Variants in NEGR1 observed in about 807,000 individuals in gnomAD.
NEGR1 encodes the protein IgLON family member 4.
In NEGR1, 10 loss-of-function variants were observed where a neutral mutation model predicts 40.9. The ratio of observed to expected loss-of-function variants is 0.24; its 90% CI spans 0.15 to 0.42. The LOEUF is 0.42. Among genes scored for constraint, NEGR1 ranks in the 10% least tolerant of loss-of-function variants. The pLI is 1.00. For missense variants in NEGR1, 352 were observed against 438.9 expected, an observed-to-expected ratio of 0.80 and a Z score of 1.77; for synonymous variants, 185 against 166.8, an observed-to-expected ratio of 1.11 and a Z score of -0.84.
chr1:71,656,452 G>T (rs1346456145), intron 4 of NEGR1, among the ~76,000 whole-genome samples: 1 of 151,968 alleles, frequency 6.6e-6, no homozygotes, highest in African/African-American at 2.4e-5. Flanking sequence ...TGGCTCTGTC[G>T]CCCAAGCTGG....
At chr1:71,832,179 T>C (rs2101791875) in intron 2 of NEGR1, among the ~76,000 whole-genome samples, 1 of 151,910 alleles carries the variant, frequency 6.6e-6, no homozygotes, top group African/African-American at 2.4e-5. Flanking sequence ...CAGGACTCAA[T>C]GACAGACTGA....
intron 2 of NEGR1, among the ~76,000 whole-genome samples, chr1:71,905,347 A>T (rs1354115153): frequency 1.3e-5 from 2 of 152,004 alleles, no homozygotes; most frequent in African/African-American, 4.8e-5. Flanking sequence ...ATTTGAATCT[A>T]ATTTTATATT....
At chr1:72,146,414 T>C (rs192286962) in intron 1 of NEGR1, among the ~76,000 whole-genome samples, 78 of 152,308 alleles carry the variant, frequency 5.1e-4, no homozygotes, top group Admixed American at 1.4e-3. Context: ...TATGAGTAAG[T>C]GTAAGAAAAT....
chr1:72,210,429 G>T (rs966241886), intron 1 of NEGR1, among the ~76,000 whole-genome samples: 1 of 151,860 alleles, frequency 6.6e-6, no homozygotes, highest in African/African-American at 2.4e-5. Context: ...AAACACTTGG[G>T]TGATTGAAAC....
chr1:72,076,516 C>A (rs113927231), intron 1 of NEGR1, among the ~76,000 whole-genome samples: 4 of 146,386 alleles, frequency 2.7e-5, no homozygotes, highest in East Asian at 4.5e-4. Flanking sequence ...TCCCCACCCC[C>A]CCTGCCTCAC....
chr1:71,965,610 T>A (rs1323716259), intron 1 of NEGR1, among the ~76,000 whole-genome samples: 1 of 152,208 alleles, frequency 6.6e-6, no homozygotes, highest in Non-Finnish European at 1.5e-5. Context: ...AAAACTGGTT[T>A]GCACCTCTAC....
chr1:72,254,677 G>C (rs1324693756), intron 1 of NEGR1, among the ~76,000 whole-genome samples: 1 of 145,708 alleles, frequency 6.9e-6, no homozygotes, highest in Non-Finnish European at 1.5e-5. Flanking sequence ...ACTCCAGCCT[G>C]GGCAACACAG....
At chr1:71,595,864 C>T (rs899390951) in intron 5 of NEGR1, among the ~76,000 whole-genome samples, 2 of 152,092 alleles carry the variant, frequency 1.3e-5, no homozygotes, top group Admixed American at 6.5e-5. Context: ...TTGACTAAAA[C>T]CAAATAATGA....
chr1:72,226,355 G>T (rs1009959269), intron 1 of NEGR1, among the ~76,000 whole-genome samples: 41 of 151,876 alleles, frequency 2.7e-4, no homozygotes, highest in African/African-American at 9.4e-4. Context: ...CAAAAGTTAC[G>T]TTTTACAAAT....
intron 1 of NEGR1, among the ~76,000 whole-genome samples, chr1:72,230,526 G>A (rs1654329809): frequency 6.6e-6 from 1 of 152,042 alleles, no homozygotes; most frequent in Non-Finnish European, 1.5e-5. Context: ...AGACTTTGCT[G>A]AATGAATATA....
rs141121310 is a variant in NEGR1, at chr1:71,865,587, A to G, written c.409+69492T>C. ...GGACACAGGGAGGGGAACATCACAC[A>G]CTGGGGCCTGTCAGGGTGTGGAGGA... On this transcript the variant is annotated intron_variant, in intron 2 of 6. Coordinates refer to ENST00000357731, the MANE Select transcript of NEGR1 (RefSeq NM_173808.3). Among the ~76,000 whole-genome samples the G allele has an allele frequency of 1.3e-3, 192 of 152,136 alleles. 6 individuals are homozygous for G. The East Asian group carries it at 0.033, about 26-fold the overall frequency.
rs569701089 is a variant in NEGR1, at chr1:71,841,338, T to A, written c.410-65041A>T. On this transcript the variant is annotated intron_variant, in intron 2 of 6. Transcript: ENST00000357731. ...CATGGGAAAATATAGTTACTTGCTATAATTCCAGTATTCAATAAACAGCTT... is the reference window on the plus strand; with the variant it reads ...CATGGGAAAATATAGTTACTTGCTAAAATTCCAGTATTCAATAAACAGCTT... 1.4e-4 allele frequency among the ~76,000 whole-genome samples: 21 copies of A among 152,294 alleles called. No homozygotes were observed. The South Asian group carries it at 4.1e-3, about 30-fold the overall frequency.
At chr1:71,603,504 G>A (rs1649988947) in intron 5 of NEGR1, among the ~76,000 whole-genome samples, 2 of 152,068 alleles carry the variant, frequency 1.3e-5, no homozygotes, top group South Asian at 2.1e-4. Flanking sequence ...TATGTAATCC[G>A]GTTAGAATTA....
intron 1 of NEGR1, among the ~76,000 whole-genome samples, chr1:72,130,686 G>A (rs968808836): frequency 1.3e-5 from 2 of 152,052 alleles, no homozygotes; most frequent in African/African-American, 4.8e-5. Context: ...TTACCTCTGA[G>A]ACCTCATCTC....
At chr1:71,769,199 T>C (rs1050825115) in intron 3 of NEGR1, among the ~76,000 whole-genome samples, 7 of 152,172 alleles carry the variant, frequency 4.6e-5, no homozygotes, top group Non-Finnish European at 1.0e-4. Context: ...TTTCTAGGCT[T>C]ATTAATACAA....
At chr1:71,669,528 C>A (rs1430692870) in intron 4 of NEGR1, among the ~76,000 whole-genome samples, 16 of 152,054 alleles carry the variant, frequency 1.1e-4, no homozygotes, top group Non-Finnish European at 2.4e-4. Flanking sequence ...AGCTTGCAGC[C>A]TTGAATTACT....
At chr1:71,418,990 T>C (rs952100425) in intron 6 of NEGR1, among the ~76,000 whole-genome samples, 2 of 152,228 alleles carry the variant, frequency 1.3e-5, no homozygotes, top group Non-Finnish European at 2.9e-5. Flanking sequence ...ATTTCTACTT[T>C]AGCTATTGCT....
At chr1:72,239,964 A>G (rs1050322625) in intron 1 of NEGR1, among the ~76,000 whole-genome samples, 1 of 151,850 alleles carries the variant, frequency 6.6e-6, no homozygotes, top group Non-Finnish European at 1.5e-5. Context: ...TGAAAAAACT[A>G]CACAAAACCC....
intron 1 of NEGR1, among the ~76,000 whole-genome samples, chr1:72,110,224 A>AAAAAAAT (rs1265556655): frequency 1.7e-4 from 24 of 142,580 alleles, no homozygotes; most frequent in African/African-American, 6.6e-4. Flanking sequence ...AGTATAATAA[A>AAAAAAAT]AAAAAAAAAA....
Sources: allele counts gnomAD v4.1 joint callset (sites outside exome capture counted in the v4.1 genomes callset), GRCh38; gene constraint gnomAD v4.1.1; transcripts MANE v1.5; gene names NCBI Gene and HGNC (gene_info 2026-07-23, HGNC 2026-07-21).